SLC37A1: variants seen among roughly 807,000 people sequenced by gnomAD.
SLC37A1 encodes the protein glucose-6-phosphate exchanger SLC37A1.
A neutral mutation model predicts 75.3 loss-of-function variants in SLC37A1; 49 were observed. The observed-to-expected ratio is 0.65, with a 90% confidence interval of 0.52 to 0.83. SLC37A1 has a LOEUF of 0.83. Among genes scored for constraint, SLC37A1 ranks in the 40% least tolerant of loss-of-function variants. The probability of loss-of-function intolerance (pLI) is 0.00; values close to 1 mark genes in which losing one functional copy is unlikely to be tolerated. For synonymous variants in SLC37A1, 268 were observed against 292.1 expected (o/e 0.92, Z 0.84); for missense variants, 566 against 695.0 (o/e 0.81, Z 2.09).
chr21:42,505,927 A>T (rs535637643), intron 2 of SLC37A1, among the ~76,000 whole-genome samples: 3 of 152,216 alleles, frequency 2.0e-5, no homozygotes, highest in Non-Finnish European at 4.4e-5. Context: ...ACAGTGTCTT[A>T]CAGATGAAAA....
intron 9 of SLC37A1, among the ~76,000 whole-genome samples, chr21:42,550,816 C>T (rs79912907): frequency 0.031 from 4,677 of 152,308 alleles, 109 homozygotes; most frequent in Non-Finnish European, 0.045. Context: ...GGATAAAGGA[C>T]AAAAGCTGCA....
intron 3 of SLC37A1, among the ~76,000 whole-genome samples, chr21:42,533,256 G>A (rs569668149): frequency 6.6e-6 from 1 of 152,226 alleles, no homozygotes; most frequent in Admixed American, 6.5e-5. Context: ...GGTATCACGG[G>A]CACTGAATGG....
rs1400578011 is a variant in SLC37A1, at chr21:42,535,469, T to G, written c.272-3T>G. 2 of 1,613,524 alleles carry G rather than the reference T, an allele frequency of 1.2e-6. No homozygotes were observed. The highest frequency in any genetic ancestry group is 1.7e-6 in the Non-Finnish European group (2 of 1,179,424). ...TGTCCTGCTGGTTTTCAAATTCATA[T>G]AGATAAGAACAACTATCAGCAGCTG... On this transcript the variant is annotated splice_polypyrimidine_tract_variant and splice_region_variant and intron_variant, in intron 4 of 19. Coordinates refer to ENST00000352133, the MANE Select transcript of SLC37A1 (RefSeq NM_001320537.2).
chr21:42,556,375 G>A (rs532644689), intron 10 of SLC37A1, among the ~76,000 whole-genome samples: 18 of 152,330 alleles, frequency 1.2e-4, no homozygotes, highest in Admixed American at 7.2e-4. Flanking sequence ...TGACTCCACC[G>A]TGCACTTTGC....
chr21:42,561,102 G>C (rs868413504), intron 11 of SLC37A1, among the ~76,000 whole-genome samples: 2 of 152,182 alleles, frequency 1.3e-5, no homozygotes, highest in Non-Finnish European at 2.9e-5. Context: ...TAAATTACAC[G>C]TACACATCCT....
At chr21:42,510,851 A>T (rs150662005), upstream of SLC37A1, among the ~76,000 whole-genome samples, 40 of 152,360 alleles carry the variant, frequency 2.6e-4, no homozygotes, top group African/African-American at 8.9e-4. Flanking sequence ...GAGTACCTAA[A>T]TATATATTAA....
chr21:42,574,071 T>G (rs2056253260), intron 17 of SLC37A1, among the ~76,000 whole-genome samples: 1 of 152,204 alleles, frequency 6.6e-6, no homozygotes, highest in South Asian at 2.1e-4. Flanking sequence ...ACATGCATAA[T>G]TTTTCTGAAC....
Position 42,581,315 on chromosome 21 carries a change from G to A in SLC37A1, c.*955G>A, listed in dbSNP as rs1207368266. ...ATATGAAGTTTAAGAGACATAAATG[G>A]CATTTTGTTATTTATTAAGACAAAC... On this transcript the variant is annotated 3_prime_UTR_variant, in exon 20 of 20. Coordinates refer to ENST00000352133, the MANE Select transcript of SLC37A1 (RefSeq NM_001320537.2). The A allele has an allele frequency of 6.6e-6, 1 of 152,460 alleles. No homozygotes were observed. The highest frequency in any genetic ancestry group is 2.4e-5 in the African/African-American group (1 of 41,398). The allele number at this position is 152,460 out of a possible 1,614,324, so 9.4% of individuals were successfully genotyped here.
intron 8 of SLC37A1, 75 bp downstream of exon 8, chr21:42,543,677 C>T (rs2055339146): frequency 2.1e-6 from 3 of 1,462,492 alleles, no homozygotes; most frequent in East Asian, 2.3e-5. Flanking sequence ...GCCTTGGGGG[C>T]GAGTGTGAGA....
At chr21:42,517,665 C>T (rs1444229241) in intron 1 of SLC37A1, among the ~76,000 whole-genome samples, 3 of 152,186 alleles carry the variant, frequency 2.0e-5, no homozygotes, top group African/African-American at 2.4e-5. Flanking sequence ...CCATTCCTTC[C>T]TATATTGCTC....
At chr21:42,550,976 T>C (rs1212175218) in intron 9 of SLC37A1, among the ~76,000 whole-genome samples, 1 of 152,212 alleles carries the variant, frequency 6.6e-6, no homozygotes, top group Non-Finnish European at 1.5e-5. Flanking sequence ...TGCTTAATGG[T>C]GAAAGACCAG....
chr21:42,534,556 T>A, intron 3 of SLC37A1, 142 bp from the exon 4 acceptor site: 1 of 1,031,440 alleles, frequency 9.7e-7, no homozygotes, highest in Non-Finnish European at 1.3e-6. Context: ...AGCAGCGCCT[T>A]GTGTCCCTCT....
At chr21:42,501,781 A>G (rs968344728) in intron 1 of SLC37A1, among the ~76,000 whole-genome samples, 3 of 152,212 alleles carry the variant, frequency 2.0e-5, no homozygotes, top group Admixed American at 6.5e-5. Flanking sequence ...CCTTCATTCC[A>G]AAGTGGAGGT....
At position 42,552,099 on chromosome 21, in the gene SLC37A1, G is replaced by A. The variant is rs945774031; in HGVS notation, c.769-1963G>A. 6.6e-6 allele frequency among the ~76,000 whole-genome samples: 1 copy of A among 152,178 alleles called. No individual in the cohort carries two copies. The highest frequency in any genetic ancestry group is 1.5e-5 in the Non-Finnish European group (1 of 68,032). On this transcript the variant is annotated intron_variant, in intron 9 of 19. Coordinates refer to ENST00000352133, the MANE Select transcript of SLC37A1 (RefSeq NM_001320537.2). This position sits in a 1 kb window ranked among gnomAD's most constrained non-coding sequence, Gnocchi z 4.2. ...ATTCTTTACCATTTGCCTTGAGTCT[G>A]AGGGTGCTAATAAGAATGTGTCTCT...
At chr21:42,575,873 C>T (rs549034788) in intron 18 of SLC37A1, 1 of 985,264 alleles carries the variant, frequency 1.0e-6, no homozygotes, top group Non-Finnish European at 1.2e-6. Context: ...TCTGTGGGTT[C>T]TTTTAATGCC....
intron 12 of SLC37A1, among the ~76,000 whole-genome samples, chr21:42,562,815 C>T (rs228098): frequency 0.48 from 73,290 of 151,514 alleles, 18,295 homozygotes; most frequent in Admixed American, 0.62. Flanking sequence ...GAGGGCTCTT[C>T]GCCCCGGGAG....
chr21:42,566,342 C>T (rs1457370520), intron 15 of SLC37A1, among the ~76,000 whole-genome samples: 3 of 152,252 alleles, frequency 2.0e-5, no homozygotes, highest in Non-Finnish European at 4.4e-5. Flanking sequence ...GGAGCCAGGG[C>T]AGGTGGCCCC....
At chr21:42,543,414 C>T (rs1011049978) in intron 7 of SLC37A1, 22 bp from the exon 8 acceptor site, 16 of 1,614,018 alleles carry the variant, frequency 9.9e-6, no homozygotes, top group Non-Finnish European at 1.4e-5. Flanking sequence ...CATCTTCTGT[C>T]TTCTGTTTTG....
chr21:42,505,090 G>T (rs1009492490), intron 2 of SLC37A1, among the ~76,000 whole-genome samples: 1 of 152,204 alleles, frequency 6.6e-6, no homozygotes, highest in African/African-American at 2.4e-5. Context: ...TAGTCTCACT[G>T]TCTTCTAATC....
Sources: allele counts gnomAD v4.1 joint callset (sites outside exome capture counted in the v4.1 genomes callset), GRCh38; gene constraint gnomAD v4.1.1; non-coding constraint Gnocchi (gnomAD v3.1); transcripts MANE v1.5; gene names NCBI Gene and HGNC (gene_info 2026-07-23, HGNC 2026-07-21).